Variants in STAG1 observed in about 807,000 individuals in gnomAD.
STAG1 encodes STAG1 cohesin complex component.
Under a neutral mutation model 170.9 loss-of-function variants are expected in STAG1, and 26 were observed. The observed-to-expected ratio is 0.15, with a 90% confidence interval of 0.11 to 0.21. The LOEUF is 0.21. STAG1 is among the 10% of genes least tolerant of loss of function. The probability of loss-of-function intolerance (pLI) is 1.00; values close to 1 mark genes in which losing one functional copy is unlikely to be tolerated. For missense variants in STAG1, 964 were observed against 1,509.5 expected (o/e 0.64, Z 5.99); for synonymous variants, 514 against 497.7 (o/e 1.03, Z -0.44).
At chr3:136,580,287 T>C (rs547013475) in intron 4 of STAG1, among the ~76,000 whole-genome samples, 58 of 151,280 alleles carry the variant, frequency 3.8e-4, no homozygotes, top group African/African-American at 1.3e-3. Flanking sequence ...GTTTAAGTCA[T>C]GTACATGTAT....
intron 5 of STAG1, among the ~76,000 whole-genome samples, chr3:136,545,238 T>C (rs1180489563): frequency 6.6e-6 from 1 of 152,002 alleles, no homozygotes; most frequent in African/African-American, 2.4e-5. Context: ...ACACAATAAG[T>C]TTTGTATTTT....
chr3:136,566,197 AC>A (rs1407636551), intron 5 of STAG1, among the ~76,000 whole-genome samples: 1 of 152,154 alleles, frequency 6.6e-6, no homozygotes, highest in Non-Finnish European at 1.5e-5. Context: ...AGAAGGTGGG[AC>A]CTTTGGGATG....
chr3:136,419,589 C>T (rs1229510137), intron 20 of STAG1, among the ~76,000 whole-genome samples: 2 of 150,148 alleles, frequency 1.3e-5, no homozygotes, highest in South Asian at 2.1e-4. Flanking sequence ...GGAATACAGG[C>T]GTGTGCCACC....
At chr3:136,554,328 C>T (rs1431659786) in intron 5 of STAG1, among the ~76,000 whole-genome samples, 1 of 151,900 alleles carries the variant, frequency 6.6e-6, no homozygotes, top group Non-Finnish European at 1.5e-5. Flanking sequence ...TAACATACAC[C>T]CCTCTCAGTA....
intron 15 of STAG1, among the ~76,000 whole-genome samples, chr3:136,435,693 G>T (rs2088439753): frequency 6.6e-6 from 1 of 151,446 alleles, no homozygotes; most frequent in Non-Finnish European, 1.5e-5. Flanking sequence ...TTTTGAGACG[G>T]CATTTCACTC....
At chr3:136,747,226 T>C (rs1236633163) in intron 1 of STAG1, among the ~76,000 whole-genome samples, 1 of 145,050 alleles carries the variant, frequency 6.9e-6, no homozygotes, top group African/African-American at 2.6e-5. Context: ...TAAGCGAAGA[T>C]CATGCCACTG....
At chr3:136,413,327 C>T (rs374459834) in intron 21 of STAG1, among the ~76,000 whole-genome samples, 4 of 147,016 alleles carry the variant, frequency 2.7e-5, no homozygotes, top group Admixed American at 6.8e-5. Flanking sequence ...TGTCTAAGTG[C>T]GGAAATCTGG....
chr3:136,578,823 C>T (rs73863630), intron 4 of STAG1, among the ~76,000 whole-genome samples: 14,345 of 152,182 alleles, frequency 0.094, 2,185 homozygotes, highest in African/African-American at 0.33. Context: ...GTTATTTCCC[C>T]ACTTCCAGAA....
chr3:136,568,654 G>A (rs868127911), intron 5 of STAG1, 111 bp downstream of exon 5: 11 of 740,482 alleles, frequency 1.5e-5, no homozygotes, highest in East Asian at 2.7e-5. Context: ...AAGATTAGCA[G>A]ATAATCTTTA....
chr3:136,578,970 A>C (rs1937536711), intron 4 of STAG1, among the ~76,000 whole-genome samples: 1 of 152,244 alleles, frequency 6.6e-6, no homozygotes, highest in Non-Finnish European at 1.5e-5. Flanking sequence ...CCAAGATAAT[A>C]AACTAGAAGT....
chr3:136,741,248 C>A (rs1391676956), intron 1 of STAG1, among the ~76,000 whole-genome samples: 1 of 152,220 alleles, frequency 6.6e-6, no homozygotes, highest in Non-Finnish European at 1.5e-5. Context: ...GCTCAGAAAT[C>A]TGATGCAAAT....
In STAG1 at chr3:136,349,181, G is replaced by A; in HGVS notation, c.3248C>T (p.Pro1083Leu). Residue 1083 changes from proline to leucine, a missense_variant, in exon 29 of 34, where the codon CCA (proline) becomes CTA (leucine). Around this residue, in one of 11 missense-constraint regions of STAG1, gnomAD observed 122 missense variants for 129.0 expected, o/e 0.95. Coordinates refer to ENST00000383202, the MANE Select transcript of STAG1 (RefSeq NM_005862.3). ...SSVRNKKGRP[P>L]LHKKRVEDES... Reference sequence around the variant, plus strand: ...ACCTTCTACTCGTTTTTTATGAAGTGGAGGTCGTCCTTTCTTATTCCTTAC... The same window carrying A: ...ACCTTCTACTCGTTTTTTATGAAGTAGAGGTCGTCCTTTCTTATTCCTTAC... The A allele has an allele frequency of 6.2e-7, 1 of 1,613,968 alleles. No individual in the cohort carries two copies.
chr3:136,432,464 T>G (rs2088332026), intron 16 of STAG1, among the ~76,000 whole-genome samples: 1 of 150,670 alleles, frequency 6.6e-6, no homozygotes, highest in Admixed American at 6.6e-5. Context: ...AAGTAGACAT[T>G]TTTGAATAAT....
At chr3:136,538,413 C>CT (rs772305467) in intron 6 of STAG1, among the ~76,000 whole-genome samples, 1,991 of 138,914 alleles carry the variant, frequency 0.014, 56 homozygotes, top group African/African-American at 0.039. Context: ...CATATAGTTA[C>CT]TTTTTTTTTT....
chr3:136,739,338 G>A (rs966060743), intron 1 of STAG1, among the ~76,000 whole-genome samples: 2 of 151,914 alleles, frequency 1.3e-5, no homozygotes, highest in South Asian at 2.1e-4. Flanking sequence ...GCAACATGGT[G>A]AGACCCTGTC....
chr3:136,618,094 CT>C (rs1939677091), intron 3 of STAG1, among the ~76,000 whole-genome samples: 1 of 152,162 alleles, frequency 6.6e-6, no homozygotes, highest in Admixed American at 6.6e-5. Flanking sequence ...TTGCCTTCTA[CT>C]TTTAAACTTA....
chr3:136,619,756 CAAAAAA>C (rs62857261), intron 3 of STAG1, among the ~76,000 whole-genome samples: 6 of 67,760 alleles, frequency 8.9e-5, no homozygotes, highest in South Asian at 6.3e-4. Context: ...GACTCTGTCT[CAAAAAA>C]AAAAAAAAAA....
At chr3:136,375,489 G>A (rs1937542357) in intron 23 of STAG1, among the ~76,000 whole-genome samples, 1 of 152,246 alleles carries the variant, frequency 6.6e-6, no homozygotes, top group Non-Finnish European at 1.5e-5. Flanking sequence ...TTGTCCAACT[G>A]CAGCAAGAGT....
chr3:136,539,506 T>C (rs978911242), intron 6 of STAG1, among the ~76,000 whole-genome samples: 6 of 152,156 alleles, frequency 3.9e-5, no homozygotes, highest in Non-Finnish European at 5.9e-5. Context: ...GTTATAAAAA[T>C]TTCCCTACAT....
Sources: allele counts gnomAD v4.1 joint callset (sites outside exome capture counted in the v4.1 genomes callset), GRCh38; gene constraint gnomAD v4.1.1; regional missense constraint gnomAD v4.1.1; transcripts MANE v1.5; gene names NCBI Gene and HGNC (gene_info 2026-07-23, HGNC 2026-07-21).